Variants in SPTBN1 observed in about 807,000 individuals in gnomAD.
SPTBN1 encodes the protein spectrin beta, non-erythrocytic 1.
In SPTBN1, 32 loss-of-function variants were observed where a neutral mutation model predicts 266.4. The observed-to-expected ratio is 0.12, with a 90% CI of 0.09 to 0.16. SPTBN1 has a LOEUF of 0.16. SPTBN1 is among the 10% of genes least tolerant of loss of function. The probability of loss-of-function intolerance (pLI) is 1.00; values close to 1 mark genes in which losing one functional copy is unlikely to be tolerated. For missense variants in SPTBN1, 2,296 were observed against 3,067.1 expected (o/e 0.75, Z 5.94); for synonymous variants, 1,336 against 1,162.2 (o/e 1.15, Z -3.04).
At position 54,571,576 on chromosome 2, in the gene SPTBN1, TACACACACACACACACACAC is replaced by T. The variant is rs67239523; in HGVS notation, c.149-27510_149-27491del. 4.9e-3 allele frequency among the ~76,000 whole-genome samples: 496 copies of T among 100,744 alleles called. 2 individuals carry two copies. Among genetic ancestry groups the T allele is most frequent in the Middle Eastern group, 0.017 (3 of 176 alleles). The allele number at this position is 100,744 out of a possible 152,430, so 66.1% of individuals were successfully genotyped here. A position where few individuals can be genotyped will look rare whatever the true frequency, so the allele number is the denominator to read the frequency against. On this transcript the variant is annotated intron_variant, in intron 2 of 35. Coordinates refer to ENST00000356805, the MANE Select transcript of SPTBN1 (RefSeq NM_003128.3). ...ACACACACACACACACACACACACA[TACACACACACACACACACAC>T]ACACATATCTATAAATAAAGGGCTT...
intron 1 of SPTBN1, among the ~76,000 whole-genome samples, chr2:54,496,474 A>C (rs918537848): frequency 6.6e-6 from 1 of 151,334 alleles, no homozygotes; most frequent in Non-Finnish European, 1.5e-5. Flanking sequence ...GAATAACAGT[A>C]ACAGCTAACA....
chr2:54,602,920 G>C (rs1676593852), intron 3 of SPTBN1, among the ~76,000 whole-genome samples: 1 of 152,194 alleles, frequency 6.6e-6, no homozygotes, highest in Non-Finnish European at 1.5e-5. Context: ...AGTGTTTGTG[G>C]ACTGGCCATG....
chr2:54,483,501 G>A (rs1465658742), intron 1 of SPTBN1, among the ~76,000 whole-genome samples: 1 of 152,330 alleles, frequency 6.6e-6, no homozygotes, highest in African/African-American at 2.4e-5. Flanking sequence ...AAACCCTCAC[G>A]TGGAGAGGCT....
At chr2:54,464,342 TA>T (rs997155790) in intron 1 of SPTBN1, among the ~76,000 whole-genome samples, 1 of 152,218 alleles carries the variant, frequency 6.6e-6, no homozygotes, top group Admixed American at 6.5e-5. Context: ...ATGTAGTGCT[TA>T]AAATAATGGT....
chr2:54,499,251 G>T (rs946316426), intron 1 of SPTBN1, among the ~76,000 whole-genome samples: 1 of 152,052 alleles, frequency 6.6e-6, no homozygotes, highest in African/African-American at 2.4e-5. Context: ...CCTTATTTAA[G>T]GAAAAGTTGG....
chr2:54,559,975 C>G (rs987612930), intron 2 of SPTBN1, among the ~76,000 whole-genome samples: 1 of 152,140 alleles, frequency 6.6e-6, no homozygotes, highest in Admixed American at 6.5e-5. Flanking sequence ...TGACACTTCT[C>G]TGGAAAACGA....
chr2:54,478,982 A>T (rs139980037), intron 1 of SPTBN1, among the ~76,000 whole-genome samples: 2 of 152,326 alleles, frequency 1.3e-5, no homozygotes, highest in East Asian at 3.9e-4. Context: ...TAAAAGCCAG[A>T]ACCTACTGCA....
At chr2:54,564,589 T>C (rs1353922964) in intron 2 of SPTBN1, among the ~76,000 whole-genome samples, 2 of 152,222 alleles carry the variant, frequency 1.3e-5, no homozygotes, top group African/African-American at 4.8e-5. Context: ...CCCACAGAAG[T>C]TGTGATTCCT....
chr2:54,598,444 C>G (rs763525194), intron 2 of SPTBN1, among the ~76,000 whole-genome samples: 1 of 131,008 alleles, frequency 7.6e-6, no homozygotes, highest in African/African-American at 3.1e-5. Context: ...TGTCTTTGCA[C>G]TCTACCATGT....
rs73934491 is a variant in SPTBN1, at chr2:54,583,340, C to T, written c.149-15752C>T. ...CTTCTGCGTCTATCCTTATTTCCTA[C>T]TGCTTAGTAGAGCAATTTAAAACCT... On this transcript the variant is annotated intron_variant, in intron 2 of 35. Coordinates refer to ENST00000356805, the MANE Select transcript of SPTBN1 (RefSeq NM_003128.3). Among the ~76,000 whole-genome samples the T allele has an allele frequency of 5.9e-3, 894 of 152,264 alleles. 11 individuals are homozygous for T. The highest frequency in any genetic ancestry group is 0.02 in the African/African-American group (850 of 41,550).
At chr2:54,551,787 GATA>G (rs1672579963) in intron 2 of SPTBN1, among the ~76,000 whole-genome samples, 2 of 152,178 alleles carry the variant, frequency 1.3e-5, no homozygotes, top group African/African-American at 2.4e-5. Context: ...ATGGAACAGA[GATA>G]ATAATTCCTA....
chr2:54,660,677 C>T (rs1457557192), intron 32 of SPTBN1: 5 of 985,444 alleles, frequency 5.1e-6, no homozygotes, highest in Non-Finnish European at 4.8e-6. Flanking sequence ...TTTTGAGACC[C>T]TTGGGTCATT....
At position 54,646,982 on chromosome 2, in the gene SPTBN1, C is replaced by T. The variant is rs957002902; in HGVS notation, c.4867-149C>T. ...AGTCCATATGGAAGCTCTTGGAACACTTCTGTGTTCCACTGTCCGTACTGC... is the reference window on the plus strand; with the variant it reads ...AGTCCATATGGAAGCTCTTGGAACATTTCTGTGTTCCACTGTCCGTACTGC... On this transcript the variant is annotated intron_variant, in intron 23 of 35. Transcript: ENST00000356805. This position sits in a 1 kb window ranked among gnomAD's most constrained non-coding sequence, Gnocchi z 4.4. 23 of 1,147,076 alleles carry T rather than the reference C, an allele frequency of 2.0e-5. No individual in the cohort carries two copies. Among genetic ancestry groups the T allele is most frequent in the Non-Finnish European group, 1.5e-5 (12 of 823,658 alleles). 71.1% of individuals were successfully genotyped at this position (1,147,076 alleles called of 1,614,324 possible).
At chr2:54,564,313 C>G (rs1410640231) in intron 2 of SPTBN1, among the ~76,000 whole-genome samples, 3 of 152,186 alleles carry the variant, frequency 2.0e-5, no homozygotes, top group Non-Finnish European at 4.4e-5. Context: ...TAAAATCTCC[C>G]TGGCTGCTGA....
chr2:54,660,676 C>T (rs1680974248), intron 32 of SPTBN1: 1 of 985,230 alleles, frequency 1.0e-6, no homozygotes. Context: ...ATTTTGAGAC[C>T]CTTGGGTCAT....
At position 54,668,669 on chromosome 2, in the gene SPTBN1, C is replaced by A; in HGVS notation, c.*100C>A. On this transcript the variant is annotated 3_prime_UTR_variant, in exon 36 of 36. Coordinates refer to ENST00000356805, the MANE Select transcript of SPTBN1 (RefSeq NM_003128.3). The stretch of plus-strand genomic sequence containing the variant: ...ATTACTCTCTGTGCCTAATGTTCCT[C>A]AATGTGGTTGATTTTTTTTTTTTTT... 1.4e-5 allele frequency: 14 copies of A among 992,464 alleles called. No individual in the cohort carries two copies. The highest frequency in any genetic ancestry group is 1.7e-5 in the Non-Finnish European group (12 of 689,608). 61.5% of individuals were successfully genotyped at this position (992,464 alleles called of 1,614,324 possible).
intron 1 of SPTBN1, among the ~76,000 whole-genome samples, chr2:54,501,880 G>A (rs1482884256): frequency 6.6e-6 from 1 of 152,188 alleles, no homozygotes; most frequent in Non-Finnish European, 1.5e-5. Flanking sequence ...TGTGTATAGA[G>A]ACTTCGTGAG....
chr2:54,627,859 T>TA (rs1166518161), intron 12 of SPTBN1, among the ~76,000 whole-genome samples: 1 of 149,864 alleles, frequency 6.7e-6, no homozygotes, highest in Non-Finnish European at 1.5e-5. Context: ...AGATTTGACT[T>TA]ACTTATTCCA....
At chr2:54,514,533 T>C (rs1453816206) in intron 1 of SPTBN1, among the ~76,000 whole-genome samples, 1 of 152,244 alleles carries the variant, frequency 6.6e-6, no homozygotes, top group Non-Finnish European at 1.5e-5. Context: ...ATGGGCATTT[T>C]AGCGTTTGAA....
Sources: allele counts gnomAD v4.1 joint callset (sites outside exome capture counted in the v4.1 genomes callset), GRCh38; gene constraint gnomAD v4.1.1; non-coding constraint Gnocchi (gnomAD v3.1); transcripts MANE v1.5; gene names NCBI Gene and HGNC (gene_info 2026-07-23, HGNC 2026-07-21).